Variants in ABCA12 observed in about 807,000 individuals in gnomAD.
The protein encoded by ABCA12 is glucosylceramide transporter ABCA12.
In ABCA12, 156 loss-of-function variants were observed where a neutral mutation model predicts 293.5. The ratio of observed to expected loss-of-function variants is 0.53; its 90% CI spans 0.47 to 0.61. ABCA12 has a LOEUF of 0.61. Ranked by LOEUF, ABCA12 falls within the 20% of genes least tolerant of loss-of-function variation. The pLI is 0.00. For synonymous variants in ABCA12, 1,063 were observed against 1,108.0 expected (o/e 0.96, Z 0.81); for missense variants, 2,797 against 3,090.2 (o/e 0.91, Z 2.25).
chr2:214,986,311 T>C (rs1699785124), intron 28 of ABCA12, among the ~76,000 whole-genome samples: 1 of 152,162 alleles, frequency 6.6e-6, no homozygotes, highest in Non-Finnish European at 1.5e-5. Context: ...AGAATATTTA[T>C]TTTTATTAGA....
intron 3 of ABCA12, 40 bp from the exon 4 acceptor site, chr2:215,054,704 A>G (rs1701386694): frequency 6.7e-7 from 1 of 1,498,038 alleles, no homozygotes; most frequent in Admixed American, 1.7e-5. Context: ...CTTCTCCCAC[A>G]TTAATTTTAG....
chr2:215,119,732 A>AG (rs1450943541), intron 1 of ABCA12, among the ~76,000 whole-genome samples: 3,406 of 144,478 alleles, frequency 0.024, 124 homozygotes, highest in African/African-American at 0.088. Context: ...ATCATTAAAA[A>AG]GTAAAAAAAA....
At chr2:214,989,189 T>TATATATATATATATATATATATAC (rs1553526751) in intron 26 of ABCA12, 140 bp downstream of exon 26, 2 of 111,090 alleles carry the variant, frequency 1.8e-5, no homozygotes, top group African/African-American at 7.2e-5. Context: ...AATACATACA[T>TATATATATATATATATATATATAC]ATATATATAT....
At chr2:215,086,151 C>T (rs1345910895) in intron 2 of ABCA12, among the ~76,000 whole-genome samples, 5 of 152,174 alleles carry the variant, frequency 3.3e-5, no homozygotes, top group Non-Finnish European at 5.9e-5. Flanking sequence ...TCATGACTGG[C>T]CAAAGGATCC....
At chr2:215,080,516 G>A (rs1247223956) in intron 2 of ABCA12, among the ~76,000 whole-genome samples, 2 of 150,910 alleles carry the variant, frequency 1.3e-5, no homozygotes, top group Non-Finnish European at 3.0e-5. Context: ...AAAAAGAAAA[G>A]ATGCAACTGA....
At chr2:215,027,167 A>C (rs1210358235) in intron 9 of ABCA12, among the ~76,000 whole-genome samples, 2 of 151,970 alleles carry the variant, frequency 1.3e-5, no homozygotes, top group Admixed American at 1.3e-4. Context: ...ACACAGTGTA[A>C]ACCTCGTCTC....
chr2:214,958,417 TAGAC>T lies in ABCA12; in HGVS notation c.5973_5976del (p.Ile1993Ter). The T allele has an allele frequency of 6.2e-7, 1 of 1,613,888 alleles. No homozygotes were observed. Among genetic ancestry groups the T allele is most frequent in the Non-Finnish European group, 8.5e-7 (1 of 1,179,886 alleles). On this transcript the variant is annotated frameshift_variant, in exon 41 of 53. Transcript: ENST00000272895. LOFTEE classifies it high-confidence loss of function. ...GTGGTGACAGAGTAGCCCATCAAGA[TAGAC>T]AGTGCCACTAAAATATCGATTAAAC...
In ABCA12 at chr2:214,990,859, A is replaced by C; in HGVS notation, c.3467T>G (p.Phe1156Cys). ...ILFLYFSDYS[F>C]SVIAMSYLIS... ...AAGATAGCTCATGGCAATAACCGAGAAGCTGTAGTCCGAAAAATACAGGAA... is the reference window on the plus strand; with the variant it reads ...AAGATAGCTCATGGCAATAACCGAGCAGCTGTAGTCCGAAAAATACAGGAA... The change falls in exon 24 of 53, where the codon TTC (phenylalanine) becomes TGC (cysteine). Residue 1156 changes from phenylalanine to cysteine, a missense_variant. Coordinates refer to ENST00000272895, the MANE Select transcript of ABCA12 (RefSeq NM_173076.3). 1 of 1,614,114 alleles carries C rather than the reference A, an allele frequency of 6.2e-7. No homozygotes were observed. Among genetic ancestry groups the C allele is most frequent in the Non-Finnish European group, 8.5e-7 (1 of 1,179,984 alleles).
Position 214,934,065 on chromosome 2 carries a change from G to C in ABCA12, c.7680+13C>G, listed in dbSNP as rs750005163. On this transcript the variant is annotated intron_variant, in intron 52 of 52. Coordinates refer to ENST00000272895, the MANE Select transcript of ABCA12 (RefSeq NM_173076.3). Reference sequence around the variant, plus strand: ...TGTGACGTTGTGCACATGGATCGTGGTATATATCTTACCTCTTCCAGAGTG... The same window carrying C: ...TGTGACGTTGTGCACATGGATCGTGCTATATATCTTACCTCTTCCAGAGTG... The C allele has an allele frequency of 1.6e-5, 25 of 1,611,596 alleles. No homozygotes were observed. The highest frequency in any genetic ancestry group is 2.0e-5 in the Non-Finnish European group (24 of 1,178,138).
chr2:214,990,732 A>C lies in ABCA12; in HGVS notation c.3594T>G (p.Asn1198Lys). 1 of 1,614,128 alleles carries C rather than the reference A, an allele frequency of 6.2e-7. No individual in the cohort carries two copies. Among genetic ancestry groups the C allele is most frequent in the East Asian group, 2.2e-5 (1 of 44,872 alleles). Residue 1198 changes from asparagine (N) to lysine (K), a missense_variant, in exon 24 of 53, where the codon AAT (asparagine) becomes AAG (lysine). Transcript: ENST00000272895. ...FPFIVLVTVE[N>K]ELSYVLKVFM... The stretch of plus-strand genomic sequence containing the variant: ...ACACTTTCAATACATAGCTCAACTC[A>C]TTCTCCACTGTAACCAGAACAATAA...
chr2:214,982,355 G>C lies in ABCA12; in HGVS notation c.4411C>G (p.His1471Asp), dbSNP rs371135059. 1.1e-5 allele frequency: 17 copies of C among 1,613,742 alleles called. No individual in the cohort carries two copies. Among genetic ancestry groups the C allele is most frequent in the Non-Finnish European group, 1.3e-5 (15 of 1,179,908 alleles). Residue 1471 changes from histidine (H) to aspartate (D), a missense_variant, in exon 30 of 53, where the codon CAT becomes GAT. This residue lies in a region of ABCA12 where 2,130 missense variants were observed against 2,427.0 expected (regional missense o/e 0.88). Transcript: ENST00000272895. ...AGTGTTCCAACTCTCTTATGACGAT[G>C]GCTATATAGTCCAGTATCTTTTAAA... Reference protein sequence around the residue: ...RTLKDTGLYSHRHKRVGTLSG... With the variant: ...RTLKDTGLYSDRHKRVGTLSG...
intron 2 of ABCA12, among the ~76,000 whole-genome samples, chr2:215,106,748 C>CAA (rs34394993): frequency 0.04 from 4,021 of 101,490 alleles, 89 homozygotes; most frequent in African/African-American, 0.084. Flanking sequence ...GCTTTGGAGG[C>CAA]AAAAAAAAAA....
At chr2:215,105,970 C>A (rs1702456542) in intron 2 of ABCA12, among the ~76,000 whole-genome samples, 1 of 152,024 alleles carries the variant, frequency 6.6e-6, no homozygotes, top group Admixed American at 6.6e-5. Context: ...ATCAAGATAG[C>A]AAATGAAATT....
At chr2:215,054,794 T>C in intron 3 of ABCA12, 130 bp from the exon 4 acceptor site, 1 of 697,514 alleles carries the variant, frequency 1.4e-6, no homozygotes, top group Non-Finnish European at 2.5e-6. Flanking sequence ...AGGATTTTAA[T>C]GGAAGAATTC....
At chr2:215,128,541 A>T (rs2105914942) in intron 1 of ABCA12, among the ~76,000 whole-genome samples, 1 of 149,102 alleles carries the variant, frequency 6.7e-6, no homozygotes, top group South Asian at 2.1e-4. Context: ...TAATTCTAAG[A>T]CCTTGTCTTT....
chr2:214,933,778 G>GAAAA (rs1469839767), intron 52 of ABCA12, among the ~76,000 whole-genome samples: 1 of 151,724 alleles, frequency 6.6e-6, no homozygotes, highest in African/African-American at 2.4e-5. Flanking sequence ...AGGAAGGAAA[G>GAAAA]TGTTAACAGC....
chr2:215,008,793 G>GAA (rs375998598), intron 18 of ABCA12, among the ~76,000 whole-genome samples: 1 of 150,288 alleles, frequency 6.7e-6, no homozygotes, highest in Non-Finnish European at 1.5e-5. Context: ...ACAAAAAGGG[G>GAA]AAAAAAAAAG....
rs1182266107 is a variant in ABCA12, at chr2:214,948,633, G to A, written c.7067C>T (p.Ala2356Val). ...CTTTTCTGGAATTCCATGTACCCTG[G>A]CATAGAAATACAAATGTTCTTCCAC... The part of the protein sequence containing the change: ...VTVEEHLYFY[A>V]RVHGIPEKDI... The change falls in exon 47 of 53, where the codon GCC becomes GTC. Residue 2356 changes from alanine to valine, a missense_variant. By Grantham distance (64) the Ala-to-Val change is moderately conservative (BLOSUM62 0). Around this residue, in one of 3 missense-constraint regions of ABCA12, gnomAD observed 2,130 missense variants for 2,427.0 expected, o/e 0.88. Transcript: ENST00000272895. The A allele has an allele frequency of 1.2e-6, 2 of 1,613,950 alleles. No individual in the cohort carries two copies. Among genetic ancestry groups the A allele is most frequent in the Non-Finnish European group, 1.7e-6 (2 of 1,179,942 alleles).
intron 1 of ABCA12, among the ~76,000 whole-genome samples, chr2:215,125,374 T>C (rs535869753): frequency 1.3e-5 from 2 of 152,304 alleles, no homozygotes; most frequent in South Asian, 4.1e-4. Context: ...ATTGAATTTG[T>C]AGATTGCTTT....
Sources: allele counts gnomAD v4.1 joint callset (sites outside exome capture counted in the v4.1 genomes callset), GRCh38; gene constraint gnomAD v4.1.1; regional missense constraint gnomAD v4.1.1; transcripts MANE v1.5; gene names NCBI Gene and HGNC (gene_info 2026-07-23, HGNC 2026-07-21).